REV1: variants seen among roughly 807,000 people sequenced by gnomAD.
REV1 encodes REV1 DNA directed polymerase, also known as translesion synthesis protein REV1.
A neutral mutation model predicts 137.4 loss-of-function variants in REV1; 42 were observed. The ratio of observed to expected loss-of-function variants is 0.31; its 90% CI spans 0.24 to 0.40. The LOEUF (loss-of-function observed/expected upper bound fraction) is 0.40, where lower values mean the gene tolerates loss of function less well. REV1 is among the 10% of genes least tolerant of loss of function. The pLI, the probability that REV1 is intolerant of heterozygous loss-of-function variation, is 1.00. For missense variants in REV1, 1,282 were observed against 1,490.1 expected (o/e 0.86, Z 2.30); for synonymous variants, 524 against 519.2 (o/e 1.01, Z -0.12).
At chr2:99,428,778 G>A (rs1470284864) in intron 9 of REV1, among the ~76,000 whole-genome samples, 3 of 151,906 alleles carry the variant, frequency 2.0e-5, no homozygotes, top group African/African-American at 7.3e-5. Flanking sequence ...GATGGATCAC[G>A]AGGTCAGTTA....
At chr2:99,419,052 A>G (rs1365590871) in intron 11 of REV1, 105 bp from the exon 12 acceptor site, 21 of 985,890 alleles carry the variant, frequency 2.1e-5, no homozygotes, top group Middle Eastern at 3.2e-4. Context: ...AAAAACAATG[A>G]AAATAAATTT....
intron 1 of REV1, among the ~76,000 whole-genome samples, chr2:99,468,636 A>G (rs1460039093): frequency 6.6e-6 from 1 of 152,224 alleles, no homozygotes; most frequent in East Asian, 1.9e-4. Context: ...GAATGTGATA[A>G]CAGTTTCTGA....
intron 4 of REV1, 139 bp from the exon 5 acceptor site, chr2:99,442,608 G>A (rs997313389): frequency 2.4e-5 from 18 of 747,612 alleles, no homozygotes; most frequent in East Asian, 5.4e-5. Context: ...CTTCTTGCTC[G>A]GTTTTAGTGG....
chr2:99,410,594 G>C, intron 14 of REV1, 101 bp downstream of exon 14: 1 of 1,028,280 alleles, frequency 9.7e-7, no homozygotes, highest in Non-Finnish European at 1.4e-6. Context: ...CGGGTTTACA[G>C]GTCTTTATTC....
rs553808046 is a variant in REV1, at chr2:99,439,363, C to G, written c.504-53G>C. The G allele has an allele frequency of 1.8e-5, 23 of 1,272,244 alleles. No homozygotes were observed. In the Admixed American group the frequency reaches 4.0e-4, roughly 22 times the overall value. The allele number at this position is 1,272,244 out of a possible 1,614,324, so 78.8% of individuals were successfully genotyped here. On this transcript the variant is annotated intron_variant, in intron 5 of 22. Transcript: ENST00000258428. ...ATAATATCTGACTTTTAGGTTAAAA[C>G]AATTTTTTCATTTCATCATTTTCTT...
intron 1 of REV1, among the ~76,000 whole-genome samples, chr2:99,481,629 AAGGCAGGAGGATCACTTG>A (rs1056257495): frequency 2.6e-5 from 4 of 152,192 alleles, no homozygotes; most frequent in Admixed American, 2.0e-4. Context: ...CTGGGAGGCC[AAGGCAGGAGGATCACTTG>A]AGGCCAGGAG....
chr2:99,464,284 GT>G (rs984245995), intron 2 of REV1, among the ~76,000 whole-genome samples: 3 of 152,076 alleles, frequency 2.0e-5, no homozygotes, highest in African/African-American at 7.2e-5. Flanking sequence ...AGTACATGAT[GT>G]TTTTTTCCCA....
At chr2:99,473,375 A>AAAAG (rs1553568316) in intron 1 of REV1, among the ~76,000 whole-genome samples, 1 of 151,618 alleles carries the variant, frequency 6.6e-6, no homozygotes, top group South Asian at 2.1e-4. Context: ...CAAAAAAAAA[A>AAAAG]AAAAGAAAAG....
intron 1 of REV1, among the ~76,000 whole-genome samples, chr2:99,484,488 TTA>T (rs1305113286): frequency 6.6e-6 from 1 of 152,214 alleles, no homozygotes; most frequent in Non-Finnish European, 1.5e-5. Context: ...CTTAAGACAT[TTA>T]TGTTTTCTTA....
chr2:99,464,772 T>C (rs1362379762), intron 2 of REV1, 150 bp downstream of exon 2: 2 of 684,358 alleles, frequency 2.9e-6, no homozygotes, highest in Non-Finnish European at 5.0e-6. Flanking sequence ...TTTATAAACA[T>C]CATAAGGCTT....
At chr2:99,411,959 C>A (rs914100372) in intron 13 of REV1, among the ~76,000 whole-genome samples, 1 of 151,658 alleles carries the variant, frequency 6.6e-6, no homozygotes, top group Non-Finnish European at 1.5e-5. Flanking sequence ...TCCAGCCGGG[C>A]GCAGTGGCTC....
intron 4 of REV1, among the ~76,000 whole-genome samples, chr2:99,442,898 T>C (rs546965810): frequency 1.3e-5 from 2 of 152,314 alleles, no homozygotes; most frequent in African/African-American, 4.8e-5. Context: ...TATTTTTATG[T>C]ATACAAGAAT....
intron 6 of REV1, among the ~76,000 whole-genome samples, chr2:99,437,891 A>G (rs1277841022): frequency 2.6e-5 from 4 of 152,164 alleles, no homozygotes; most frequent in Non-Finnish European, 5.9e-5. Context: ...AGTCTCTATC[A>G]CTTTCTAGGA....
At position 99,421,595 on chromosome 2, in the gene REV1, T is replaced by C. The variant is rs1206645873; in HGVS notation, c.1735A>G (p.Ile579Val). The change falls in exon 11 of 23, where the codon ATC becomes GTC. Residue 579 changes from isoleucine (I) to valine (V), a missense_variant. Physicochemically the swap from Ile to Val is conservative, Grantham distance 29. Transcript: ENST00000258428. ...GGAGTAAGTTTGGTCTCTGCAAGGA[T>C]TTCGGTAATGTCTACCAGCGCTTCA... The part of the protein sequence containing the change: ...CDEALVDITE[I>V]LAETKLTPDE... 1 of 1,614,144 alleles carries C rather than the reference T, an allele frequency of 6.2e-7. No individual in the cohort carries two copies. Among genetic ancestry groups the C allele is most frequent in the Admixed American group, 1.7e-5 (1 of 60,016 alleles).
At chr2:99,436,686 G>C (rs964468524) in intron 6 of REV1, 1 of 152,206 alleles carries the variant, frequency 6.6e-6, no homozygotes, top group Non-Finnish European at 1.5e-5. Flanking sequence ...GCTACAAAGA[G>C]ATTCATCAGG....
At chr2:99,401,379 A>G (rs978966090) in intron 22 of REV1, 27 bp from the exon 23 acceptor site, 1 of 1,446,146 alleles carries the variant, frequency 6.9e-7, no homozygotes, top group African/African-American at 1.4e-5. Context: ...AAGAAATGTC[A>G]TTAGGAATTA....
chr2:99,449,391 T>C lies in REV1; in HGVS notation c.295A>G (p.Lys99Glu). The C allele has an allele frequency of 6.4e-7, 1 of 1,570,750 alleles. No homozygotes were observed. Among genetic ancestry groups the C allele is most frequent in the Non-Finnish European group, 8.6e-7 (1 of 1,160,260 alleles). The change falls in exon 4 of 23, where the codon AAA becomes GAA. Residue 99 changes from lysine to glutamate, a missense_variant. By Grantham distance (56) the Lys-to-Glu change is moderately conservative. Transcript: ENST00000258428. ...HIIATNLPNAKIKELKGEKVI... is the reference protein window; with the variant it reads ...HIIATNLPNAEIKELKGEKVI... Reference sequence around the variant, plus strand: ...TTTTCCCCCTTTAATTCTTTAATTTTGGCATTGGGAAGATTTGTGGCAATA... The same window carrying C: ...TTTTCCCCCTTTAATTCTTTAATTTCGGCATTGGGAAGATTTGTGGCAATA...
chr2:99,415,577 G>T (rs1350839331), intron 12 of REV1, among the ~76,000 whole-genome samples: 1 of 152,250 alleles, frequency 6.6e-6, no homozygotes, highest in Non-Finnish European at 1.5e-5. Context: ...CAATACAGGA[G>T]AACCTTGCTC....
intron 2 of REV1, among the ~76,000 whole-genome samples, chr2:99,464,335 T>C (rs1214368973): frequency 6.6e-6 from 1 of 152,210 alleles, no homozygotes; most frequent in African/African-American, 2.4e-5. Flanking sequence ...ATTATTAAAA[T>C]ATTATATGCT....
Sources: gnomAD v4.1 joint callset for allele counts (sites outside exome capture counted in the v4.1 genomes callset) on GRCh38, gnomAD v4.1.1 for gene constraint, MANE v1.5 for transcripts, NCBI Gene and HGNC (gene_info 2026-07-23, HGNC 2026-07-21) for gene names.